Variants in CHN1 observed in about 807,000 individuals in gnomAD.
CHN1 encodes the protein N-chimaerin.
A neutral mutation model predicts 59.5 loss-of-function variants in CHN1; 37 were observed. The observed-to-expected ratio is 0.62, with a 90% CI of 0.48 to 0.82. The LOEUF is 0.82. Ranked by LOEUF, CHN1 falls within the 40% of genes least tolerant of loss-of-function variation. CHN1 has a pLI of 0.00. For synonymous variants in CHN1, 206 were observed against 200.4 expected (o/e 1.03, Z -0.24); for missense variants, 469 against 571.0 (o/e 0.82, Z 1.82).
At chr2:174,909,861 A>G (rs2105365125) in intron 5 of CHN1, among the ~76,000 whole-genome samples, 1 of 152,332 alleles carries the variant, frequency 6.6e-6, no homozygotes, top group South Asian at 2.1e-4. Context: ...GATGCTGCTA[A>G]TAACAGAATT....
intron 2 of CHN1, chr2:174,945,203 G>A: frequency 2.1e-6 from 1 of 486,538 alleles, no homozygotes; most frequent in Non-Finnish European, 3.9e-6. Context: ...ATTTGGCTCT[G>A]TTCTCCATAA....
At chr2:174,956,954 T>C (rs1018868058) in intron 1 of CHN1, among the ~76,000 whole-genome samples, 2 of 152,188 alleles carry the variant, frequency 1.3e-5, no homozygotes, top group Admixed American at 1.3e-4. Flanking sequence ...AGGGTTAGGT[T>C]CCTGTGTGCC....
intron 1 of CHN1, among the ~76,000 whole-genome samples, chr2:174,984,430 G>A (rs561670156): frequency 4.2e-4 from 62 of 146,652 alleles, no homozygotes; most frequent in South Asian, 8.7e-4. Context: ...GTGCAGTGGC[G>A]CGATCCTGGC....
At chr2:174,930,184 G>C (rs1689293042) in intron 3 of CHN1, among the ~76,000 whole-genome samples, 1 of 152,168 alleles carries the variant, frequency 6.6e-6, no homozygotes, top group African/African-American at 2.4e-5. Context: ...TCCCAAGATA[G>C]CCACTTTCTA....
chr2:174,858,193 G>T (rs1166814926), intron 6 of CHN1, among the ~76,000 whole-genome samples: 8 of 152,042 alleles, frequency 5.3e-5, no homozygotes, highest in Admixed American at 5.2e-4. Flanking sequence ...TTTAAAAAGG[G>T]CCTGTTACAG....
chr2:174,931,291 T>C (rs1219543948), intron 3 of CHN1, among the ~76,000 whole-genome samples: 3 of 152,238 alleles, frequency 2.0e-5, no homozygotes, highest in Non-Finnish European at 2.9e-5. Context: ...CCAAGATATA[T>C]GAGCATGTGA....
intron 7 of CHN1, among the ~76,000 whole-genome samples, chr2:174,830,757 G>A (rs2105410717): frequency 6.6e-6 from 1 of 152,308 alleles, no homozygotes; most frequent in African/African-American, 2.4e-5. Context: ...CTAGGCGGCT[G>A]GGGAAGGGGC....
At chr2:174,940,081 G>A (rs988274900) in intron 3 of CHN1, among the ~76,000 whole-genome samples, 1 of 152,026 alleles carries the variant, frequency 6.6e-6, no homozygotes, top group African/African-American at 2.4e-5. Flanking sequence ...CCAAGCTGGA[G>A]TGCAGTGGTG....
chr2:174,857,116 TGCAAACAAAAAATAATTAGGAAGTTG>T (rs1686924663), intron 6 of CHN1, among the ~76,000 whole-genome samples: 2 of 152,276 alleles, frequency 1.3e-5, no homozygotes, highest in Non-Finnish European at 2.9e-5. Flanking sequence ...ACACCTACAC[TGCAAACAAAAAATAATTAGGAAGTTG>T]GTGGGAATGG....
At chr2:174,804,542 T>C (rs960991198) in intron 11 of CHN1, among the ~76,000 whole-genome samples, 1 of 152,174 alleles carries the variant, frequency 6.6e-6, no homozygotes, top group Non-Finnish European at 1.5e-5. Flanking sequence ...CCAGTAATTA[T>C]TAAAAACATC....
chr2:174,827,821 A>C (rs1389263105), intron 7 of CHN1, among the ~76,000 whole-genome samples: 2 of 152,186 alleles, frequency 1.3e-5, no homozygotes, highest in Non-Finnish European at 2.9e-5. Context: ...TGGTCTGTTA[A>C]GGGTTTAAGG....
chr2:174,926,414 T>C lies in CHN1; in HGVS notation c.115-7849A>G, dbSNP rs1689164607. ...AGATGGGTGTGAAAGAAAAATAAAT[T>C]ATCAGGACCCCCAAATCACTAAGCC... On this transcript the variant is annotated intron_variant, in intron 3 of 12. Transcript: ENST00000409900. Among the ~76,000 whole-genome samples, 4 of 152,170 alleles carry C rather than the reference T, an allele frequency of 2.6e-5. No homozygotes were observed. In the South Asian group the frequency reaches 8.3e-4, roughly 32 times the overall value.
intron 6 of CHN1, chr2:174,847,267 G>A: frequency 7.2e-7 from 1 of 1,380,746 alleles, no homozygotes; most frequent in Non-Finnish European, 9.3e-7. Context: ...ACCACGGAGA[G>A]GTGGAGGAGG....
intron 7 of CHN1, among the ~76,000 whole-genome samples, chr2:174,844,680 CCA>C (rs1170028221): frequency 6.6e-6 from 1 of 152,138 alleles, no homozygotes; most frequent in African/African-American, 2.4e-5. Context: ...ACTGCACCTG[CCA>C]CAGAGTCTGG....
chr2:174,999,066 T>C (rs1178247165), intron 1 of CHN1, among the ~76,000 whole-genome samples: 2 of 152,196 alleles, frequency 1.3e-5, no homozygotes, highest in East Asian at 1.9e-4. Context: ...CAGGCTTTTT[T>C]TTCTATTCAA....
At chr2:174,803,831 G>T (rs966808831) in intron 11 of CHN1, among the ~76,000 whole-genome samples, 6 of 152,162 alleles carry the variant, frequency 3.9e-5, no homozygotes, top group Admixed American at 2.0e-4. Context: ...TGGGATTACA[G>T]GTGTAAACCA....
chr2:174,832,042 A>G (rs1685898463), intron 7 of CHN1, among the ~76,000 whole-genome samples: 1 of 152,144 alleles, frequency 6.6e-6, no homozygotes, highest in African/African-American at 2.4e-5. Context: ...ATGTCTTGTG[A>G]TCCACAATTC....
intron 5 of CHN1, among the ~76,000 whole-genome samples, chr2:174,909,040 C>T (rs1688618864): frequency 6.6e-6 from 1 of 152,314 alleles, no homozygotes; most frequent in Non-Finnish European, 1.5e-5. Flanking sequence ...AACTCTTTGA[C>T]ACCTGCCCTC....
At chr2:174,860,685 C>T (rs1329671686) in intron 6 of CHN1, among the ~76,000 whole-genome samples, 1 of 152,102 alleles carries the variant, frequency 6.6e-6, no homozygotes, top group East Asian at 1.9e-4. Flanking sequence ...GAGATAAGTG[C>T]TGCATGAATA....
Sources: allele counts gnomAD v4.1 joint callset (sites outside exome capture counted in the v4.1 genomes callset), GRCh38; gene constraint gnomAD v4.1.1; transcripts MANE v1.5; gene names NCBI Gene and HGNC (gene_info 2026-07-23, HGNC 2026-07-21).